The following FAM3B variants were observed in gnomAD, a reference collection of about 807,000 sequenced individuals.
The protein encoded by FAM3B is protein FAM3B.
FAM3B carries 29 observed loss-of-function variants against 28.4 expected under a neutral mutation model. That is an observed-to-expected ratio of 1.02 (90% confidence interval 0.76 to 1.39). The LOEUF (loss-of-function observed/expected upper bound fraction) is 1.39, where lower values mean the gene tolerates loss of function less well. FAM3B is among the 40% of genes most tolerant of loss of function. The probability of loss-of-function intolerance (pLI) is 0.00; values close to 1 mark genes in which losing one functional copy is unlikely to be tolerated. For missense variants in FAM3B, 266 were observed against 293.9 expected, an observed-to-expected ratio of 0.91 and a Z score of 0.69; for synonymous variants, 91 against 103.0, an observed-to-expected ratio of 0.88 and a Z score of 0.71.
At chr21:41,339,085 A>G (rs1187992237) in intron 3 of FAM3B, among the ~76,000 whole-genome samples, 3 of 152,218 alleles carry the variant, frequency 2.0e-5, no homozygotes, top group African/African-American at 4.8e-5. Flanking sequence ...TTTGCAGTCC[A>G]TACTTTACAC....
rs1016196890 is a variant in FAM3B, at chr21:41,322,987, C to T, written c.84C>T (p.Leu28=). ...GTGCCTGGTATTCGGGGTACCTGCT[C>T]GCAGAGCTCATTCCAGATGCACCCC... ...SLCAWYSGYL[L]AELIPDAPLS... is the part of the protein sequence containing the mutation. The change falls in exon 2 of 8, where the codon CTC becomes CTT. Residue 28 remains leucine (L), a synonymous_variant. Coordinates refer to ENST00000357985, the MANE Select transcript of FAM3B (RefSeq NM_058186.4). 7 of 1,612,096 alleles carry T rather than the reference C, an allele frequency of 4.3e-6. No individual in the cohort carries two copies. Among genetic ancestry groups the T allele is most frequent in the African/African-American group, 1.3e-5 (1 of 75,070 alleles).
chr21:41,345,629 C>A, intron 4 of FAM3B, 57 bp from the exon 5 acceptor site: 1 of 1,061,610 alleles, frequency 9.4e-7, no homozygotes, highest in Non-Finnish European at 1.4e-6. Flanking sequence ...CCTGGTGCCA[C>A]AAGTGCGCCC....
intron 1 of FAM3B, among the ~76,000 whole-genome samples, chr21:41,311,345 C>G (rs1453342084): frequency 4.6e-5 from 6 of 129,956 alleles, no homozygotes; most frequent in Non-Finnish European, 9.5e-5. Context: ...ACCTGTGATT[C>G]CAGCTACTCA....
chr21:41,342,953 T>G (rs1249009227), intron 3 of FAM3B, among the ~76,000 whole-genome samples: 1 of 152,230 alleles, frequency 6.6e-6, no homozygotes, highest in Non-Finnish European at 1.5e-5. Context: ...GGAATTATCT[T>G]TGCTTCTCCC....
intron 6 of FAM3B, among the ~76,000 whole-genome samples, chr21:41,347,967 T>C (rs758491149): frequency 6.6e-6 from 1 of 152,138 alleles, no homozygotes; most frequent in Non-Finnish European, 1.5e-5. Flanking sequence ...ATTTCCCAAA[T>C]TTATCAGATT....
At chr21:41,336,822 A>T (rs1192089467) in intron 2 of FAM3B, among the ~76,000 whole-genome samples, 12 of 152,190 alleles carry the variant, frequency 7.9e-5, no homozygotes, top group African/African-American at 2.9e-4. Context: ...TTATTATCAT[A>T]TAATTACCAT....
intron 2 of FAM3B, among the ~76,000 whole-genome samples, chr21:41,330,769 T>C (rs1025609918): frequency 3.3e-4 from 51 of 152,248 alleles, no homozygotes; most frequent in African/African-American, 1.2e-3. Context: ...AATGACAAGA[T>C]TTCCTTCTCT....
intron 1 of FAM3B, among the ~76,000 whole-genome samples, chr21:41,321,664 G>A (rs532315591): frequency 2.6e-5 from 4 of 152,308 alleles, no homozygotes; most frequent in African/African-American, 9.6e-5. Context: ...CAAACCCCAA[G>A]GCTAACCAGA....
At chr21:41,307,275 A>T (rs1453906751) in intron 1 of FAM3B, among the ~76,000 whole-genome samples, 2 of 152,222 alleles carry the variant, frequency 1.3e-5, no homozygotes, top group Non-Finnish European at 2.9e-5. Context: ...TTTCTTCTGC[A>T]GCTTCCACAC....
At chr21:41,351,169 C>A (rs1363291501) in intron 7 of FAM3B, among the ~76,000 whole-genome samples, 1 of 152,190 alleles carries the variant, frequency 6.6e-6, no homozygotes, top group African/African-American at 2.4e-5. Flanking sequence ...AAAACAAAAA[C>A]CTCATTGGAA....
At chr21:41,309,410 G>T (rs770852294) in intron 1 of FAM3B, among the ~76,000 whole-genome samples, 5 of 152,116 alleles carry the variant, frequency 3.3e-5, no homozygotes, top group Non-Finnish European at 2.9e-5. Context: ...TCCTTGCTAG[G>T]CTTGAGTTCT....
In FAM3B at chr21:41,326,277, G is replaced by A. The variant is rs8126706; in HGVS notation, c.163+3211G>A. Among the ~76,000 whole-genome samples the A allele has an allele frequency of 0.035, 5,319 of 152,248 alleles. 338 individuals carry two copies. The highest frequency in any genetic ancestry group is 0.12 in the African/African-American group (5,086 of 41,530). Reference sequence around the variant, plus strand: ...CAATCCCACACTGAGTTAGGAACATGGTCTTCTTTCTTCATTCACGTGGTG... The same window carrying A: ...CAATCCCACACTGAGTTAGGAACATAGTCTTCTTTCTTCATTCACGTGGTG... On this transcript the variant is annotated intron_variant, in intron 2 of 7. Coordinates refer to ENST00000357985, the MANE Select transcript of FAM3B (RefSeq NM_058186.4). The surrounding 1 kb of genome is among the most constrained non-coding windows in gnomAD (Gnocchi z 4.0).
intron 2 of FAM3B, among the ~76,000 whole-genome samples, chr21:41,328,468 G>T (rs566676333): frequency 1.7e-3 from 263 of 151,950 alleles, no homozygotes; most frequent in Admixed American, 3.2e-3. Flanking sequence ...GCAATTGGAC[G>T]TTTGCTTTAA....
At position 41,357,673 on chromosome 21, in the gene FAM3B, T is replaced by C. The variant is rs897717262; in HGVS notation, c.*476T>C. 2.0e-5 allele frequency among the ~76,000 whole-genome samples: 3 copies of C among 152,224 alleles called. No individual in the cohort carries two copies. Among genetic ancestry groups the C allele is most frequent in the African/African-American group, 7.2e-5 (3 of 41,454 alleles). On this transcript the variant is annotated 3_prime_UTR_variant, in exon 8 of 8. Transcript: ENST00000357985. ...TCCTTGTTCAACTCAACTTGAGCTC[T>C]TGAACTCCTCCTGTGGGCCTGTGAA... is the stretch of plus-strand genomic sequence containing the variant.
In FAM3B at chr21:41,325,706, G is replaced by C. The variant is rs2088849362; in HGVS notation, c.163+2640G>C. On this transcript the variant is annotated intron_variant, in intron 2 of 7. Coordinates refer to ENST00000357985, the MANE Select transcript of FAM3B (RefSeq NM_058186.4). The stretch of plus-strand genomic sequence containing the variant: ...GTTTCTTTTAAATCTAAGGTTCTTT[G>C]TGATTTGTATCTAAATTTCATAAAA... Among the ~76,000 whole-genome samples, 4 of 152,186 alleles carry C rather than the reference G, an allele frequency of 2.6e-5. No homozygotes were observed. In the South Asian group the frequency reaches 8.3e-4, roughly 31 times the overall value.
chr21:41,334,498 CTG>C (rs1220789346), intron 2 of FAM3B, among the ~76,000 whole-genome samples: 5 of 152,298 alleles, frequency 3.3e-5, no homozygotes, highest in Admixed American at 6.5e-5. Flanking sequence ...GCTCAAGCTG[CTG>C]CTTCAGAGGG....
intron 4 of FAM3B, 63 bp from the exon 5 acceptor site, chr21:41,345,623 G>T (rs2089049670): frequency 1.1e-6 from 1 of 951,438 alleles, no homozygotes; most frequent in Non-Finnish European, 1.6e-6. Flanking sequence ...CCAGGCCCTG[G>T]TGCCACAAGT....
chr21:41,327,665 G>T (rs1220678056), intron 2 of FAM3B, among the ~76,000 whole-genome samples: 1 of 152,178 alleles, frequency 6.6e-6, no homozygotes, highest in African/African-American at 2.4e-5. Context: ...TACCCTCATG[G>T]TGGGGATCTT....
At chr21:41,337,748 T>A (rs2088967726) in intron 2 of FAM3B, among the ~76,000 whole-genome samples, 1 of 151,540 alleles carries the variant, frequency 6.6e-6, no homozygotes, top group Non-Finnish European at 1.5e-5. Context: ...GGTGAGTACA[T>A]GGTGTGTGTG....
Sources: allele counts gnomAD v4.1 joint callset (sites outside exome capture counted in the v4.1 genomes callset), GRCh38; gene constraint gnomAD v4.1.1; non-coding constraint Gnocchi (gnomAD v3.1); transcripts MANE v1.5; gene names NCBI Gene and HGNC (gene_info 2026-07-23, HGNC 2026-07-21).